The following INPP5F variants were observed in gnomAD, a reference collection of about 807,000 sequenced individuals.
The protein encoded by INPP5F is inositol polyphosphate-5-phosphatase F, also known as phosphatidylinositide 4-phosphatase SAC2.
INPP5F carries 97 observed loss-of-function variants against 137.2 expected under a neutral mutation model. The observed-to-expected ratio is 0.71, with a 90% CI of 0.60 to 0.84. The LOEUF (loss-of-function observed/expected upper bound fraction) is 0.84, where lower values mean the gene tolerates loss of function less well. Ranked by LOEUF, INPP5F falls within the 40% of genes least tolerant of loss-of-function variation. INPP5F has a pLI of 0.00. For synonymous variants in INPP5F, 504 were observed against 476.9 expected, an observed-to-expected ratio of 1.06 and a Z score of -0.74; for missense variants, 1,271 against 1,371.9, an observed-to-expected ratio of 0.93 and a Z score of 1.16.
intron 1 of INPP5F, among the ~76,000 whole-genome samples, chr10:119,742,687 T>C (rs78521598): frequency 1.1e-4 from 16 of 152,250 alleles, no homozygotes; most frequent in East Asian, 9.6e-4. Flanking sequence ...GAGAAACTTA[T>C]GGTGTTAGAA....
intron 19 of INPP5F, chr10:119,825,821 A>G (rs182839915): frequency 1.5e-5 from 6 of 395,440 alleles, no homozygotes; most frequent in Non-Finnish European, 1.8e-5. Context: ...GGCTTTTGTT[A>G]AAGAATTACT....
chr10:119,825,925 G>C (rs1851740446), intron 19 of INPP5F: 1 of 398,340 alleles, frequency 2.5e-6, no homozygotes, highest in African/African-American at 2.1e-5. Flanking sequence ...GTGGCAAATA[G>C]CATCAACTTT....
At chr10:119,782,145 C>A (rs1455745816) in intron 3 of INPP5F, among the ~76,000 whole-genome samples, 1 of 152,118 alleles carries the variant, frequency 6.6e-6, no homozygotes, top group African/African-American at 2.4e-5. Context: ...CTTATTATAT[C>A]CTCTTTTGTC....
chr10:119,755,384 T>C (rs749161058), intron 2 of INPP5F, among the ~76,000 whole-genome samples: 12 of 152,178 alleles, frequency 7.9e-5, no homozygotes, highest in Non-Finnish European at 1.5e-4. Context: ...TGTGTGTCTG[T>C]CTAAATTTCC....
chr10:119,791,389 T>A, intron 3 of INPP5F, 128 bp from the exon 4 acceptor site: 1 of 723,782 alleles, frequency 1.4e-6, no homozygotes, highest in Non-Finnish European at 2.4e-6. Flanking sequence ...ATTGTCTACT[T>A]GATAATTTTT....
chr10:119,817,014 C>T (rs1851306266), intron 15 of INPP5F, among the ~76,000 whole-genome samples: 3 of 152,180 alleles, frequency 2.0e-5, no homozygotes, highest in African/African-American at 7.2e-5. Flanking sequence ...TCCACACTAC[C>T]ATCCCTAAGC....
intron 2 of INPP5F, among the ~76,000 whole-genome samples, chr10:119,760,140 T>C (rs1848968050): frequency 6.6e-6 from 1 of 152,240 alleles, no homozygotes; most frequent in African/African-American, 2.4e-5. Context: ...AGAGAGATAC[T>C]TGAGAGGCAG....
At position 119,823,102 on chromosome 10, in the gene INPP5F, G is replaced by T. The variant is rs1210324086; in HGVS notation, c.2064G>T (p.Lys688Asn). The T allele has an allele frequency of 6.2e-7, 1 of 1,613,892 alleles. No individual in the cohort carries two copies. Among genetic ancestry groups the T allele is most frequent in the African/African-American group, 1.3e-5 (1 of 74,936 alleles). Residue 688 changes from lysine to asparagine, a missense_variant, in exon 18 of 20, where the codon AAG becomes AAT. Physicochemically the swap from Lys to Asn is moderately conservative, Grantham distance 94. This residue lies in a region of INPP5F where 593 missense variants were observed against 712.4 expected (regional missense o/e 0.83). Coordinates refer to ENST00000650623, the MANE Select transcript of INPP5F (RefSeq NM_014937.4). ...GPEPTLFGKP[K>N]FSCMRLHYRY... The stretch of plus-strand genomic sequence containing the variant: ...AACCCACTCTTTTTGGTAAGCCAAA[G>T]TTCTCCTGCATGCGACTGCACTACA...
At chr10:119,796,540 G>A (rs1850391617) in intron 6 of INPP5F, among the ~76,000 whole-genome samples, 175 bp from the exon 7 acceptor site, 1 of 152,130 alleles carries the variant, frequency 6.6e-6, no homozygotes, top group Non-Finnish European at 1.5e-5. Context: ...GAAAAGGAAA[G>A]ACCTCCTCTG....
chr10:119,772,595 G>A (rs559587185), intron 2 of INPP5F, among the ~76,000 whole-genome samples: 2 of 152,196 alleles, frequency 1.3e-5, no homozygotes, highest in South Asian at 4.2e-4. Flanking sequence ...GCTTCCGAAG[G>A]TCCTTCTGCT....
At chr10:119,796,064 C>A (rs868804362) in intron 6 of INPP5F, among the ~76,000 whole-genome samples, 8 of 17,914 alleles carry the variant, frequency 4.5e-4, no homozygotes, top group Non-Finnish European at 7.4e-4. Context: ...AGAGGGAGAC[C>A]GTGGGGAGAG....
At chr10:119,819,697 CATT>C in intron 15 of INPP5F, 1 of 437,548 alleles carries the variant, frequency 2.3e-6, no homozygotes, top group East Asian at 3.6e-5. Context: ...CTTGGCATCT[CATT>C]ATGTCATTTG....
At chr10:119,756,191 A>G (rs184634210) in intron 2 of INPP5F, among the ~76,000 whole-genome samples, 260 of 152,054 alleles carry the variant, frequency 1.7e-3, no homozygotes, top group African/African-American at 6.1e-3. Context: ...AATTCAATAT[A>G]TGCTGATTAC....
intron 2 of INPP5F, among the ~76,000 whole-genome samples, chr10:119,766,296 C>A (rs1849163438): frequency 6.6e-6 from 1 of 152,068 alleles, no homozygotes; most frequent in Admixed American, 6.6e-5. Flanking sequence ...CTGGAAATAC[C>A]CTCAGAAATA....
intron 15 of INPP5F, among the ~76,000 whole-genome samples, chr10:119,818,210 C>T (rs915979119): frequency 3.3e-5 from 5 of 152,220 alleles, no homozygotes; most frequent in South Asian, 4.1e-4. Flanking sequence ...CGCCCGTTAT[C>T]GCAGGAAACC....
In INPP5F at chr10:119,778,373, C is replaced by T. The variant is rs72826423; in HGVS notation, c.179-3262C>T. Reference sequence around the variant, plus strand: ...TGGTGTTATTTTTCTATAATAAATTCCTGAAACACAATTTCAATAATTTTT... The same window carrying T: ...TGGTGTTATTTTTCTATAATAAATTTCTGAAACACAATTTCAATAATTTTT... On this transcript the variant is annotated intron_variant, in intron 2 of 19. Transcript: ENST00000650623. Among the ~76,000 whole-genome samples the T allele has an allele frequency of 9.0e-3, 1,366 of 152,180 alleles. 8 individuals carry two copies. The highest frequency in any genetic ancestry group is 0.015 in the Non-Finnish European group (1,003 of 68,004).
chr10:119,817,591 A>C (rs1235285587), intron 15 of INPP5F, among the ~76,000 whole-genome samples: 1 of 152,100 alleles, frequency 6.6e-6, no homozygotes, highest in African/African-American at 2.4e-5. Flanking sequence ...CTGATGACAA[A>C]CGATGTTAAG....
At chr10:119,792,805 T>C (rs775111671) in intron 6 of INPP5F, among the ~76,000 whole-genome samples, 1 of 152,332 alleles carries the variant, frequency 6.6e-6, no homozygotes. Flanking sequence ...TCAACAAATA[T>C]TTATGGAAGG....
rs748932452 is a variant in INPP5F, at chr10:119,796,833, C to G, written c.788C>G (p.Pro263Arg). Residue 263 changes from proline to arginine, a missense_variant, in exon 7 of 20, where the codon CCT (proline) becomes CGT (arginine). Physicochemically the swap from Pro to Arg is moderately radical, Grantham distance 103. Around this residue, in one of 6 missense-constraint regions of INPP5F, gnomAD observed 593 missense variants for 712.4 expected, o/e 0.83. Transcript: ENST00000650623. ...DDEKSSPETP[P>R]QESTCVDDIH... Reference sequence around the variant, plus strand: ...GAGAAAAGCAGCCCAGAGACCCCCCCTCAGGAGTCCACCTGTGTAGATGAT... The same window carrying G: ...GAGAAAAGCAGCCCAGAGACCCCCCGTCAGGAGTCCACCTGTGTAGATGAT... 4.3e-6 allele frequency: 7 copies of G among 1,613,670 alleles called. No homozygotes were observed. Among genetic ancestry groups the G allele is most frequent in the Admixed American group, 3.3e-5 (2 of 59,942 alleles).
Sources: allele counts gnomAD v4.1 joint callset (sites outside exome capture counted in the v4.1 genomes callset), GRCh38; gene constraint gnomAD v4.1.1; regional missense constraint gnomAD v4.1.1; transcripts MANE v1.5; gene names NCBI Gene and HGNC (gene_info 2026-07-23, HGNC 2026-07-21).